The following AGTPBP1 variants were observed in gnomAD, a reference collection of about 807,000 sequenced individuals.
AGTPBP1 encodes the protein ATP/GTP binding carboxypeptidase 1.
AGTPBP1 carries 70 observed loss-of-function variants against 143.9 expected under a neutral mutation model. That is an observed-to-expected ratio of 0.49 (90% CI 0.40 to 0.59). The LOEUF is 0.59. Among genes scored for constraint, AGTPBP1 ranks in the 20% least tolerant of loss-of-function variants. AGTPBP1 has a pLI of 0.00. For synonymous variants in AGTPBP1, 463 were observed against 500.2 expected (o/e 0.93, Z 0.99); for missense variants, 1,229 against 1,464.5 (o/e 0.84, Z 2.62).
At chr9:85,727,441 AG>A (rs1468427528) in intron 1 of AGTPBP1, among the ~76,000 whole-genome samples, 5 of 152,264 alleles carry the variant, frequency 3.3e-5, no homozygotes, top group African/African-American at 9.6e-5. Flanking sequence ...GCTCCAAAAA[AG>A]TATTAACTGT....
chr9:85,647,076 G>A (rs983271028), intron 11 of AGTPBP1, among the ~76,000 whole-genome samples: 1 of 152,142 alleles, frequency 6.6e-6, no homozygotes, highest in South Asian at 2.1e-4. Context: ...TTGGGAGTTC[G>A]AGACTGGCCT....
At chr9:85,753,023 T>C in the AGTPBP1 span, among the ~76,000 whole-genome samples, 133 of 152,150 alleles carry the variant, frequency 8.7e-4, no homozygotes, top group African/African-American at 2.9e-3. Context: ...TCTAAAAAAT[T>C]TTTTTAAACA....
intron 4 of AGTPBP1, among the ~76,000 whole-genome samples, chr9:85,679,765 C>T (rs907107522): frequency 2.0e-5 from 3 of 152,092 alleles, no homozygotes; most frequent in Non-Finnish European, 4.4e-5. Flanking sequence ...AATACTTTTC[C>T]TCAGTTTTCC....
intron 17 of AGTPBP1, among the ~76,000 whole-genome samples, chr9:85,599,747 G>A (rs879606420): frequency 3.9e-5 from 6 of 152,118 alleles, no homozygotes; most frequent in East Asian, 1.9e-4. Flanking sequence ...TCTTATAAAC[G>A]CTGACATGCA....
chr9:85,673,132 T>A (rs1284664614), intron 6 of AGTPBP1, among the ~76,000 whole-genome samples: 1 of 152,198 alleles, frequency 6.6e-6, no homozygotes, highest in Non-Finnish European at 1.5e-5. Flanking sequence ...AAAGTTGGCC[T>A]GAAAAGAATA....
chr9:85,677,719 A>C, intron 5 of AGTPBP1, 137 bp from the exon 6 acceptor site: 1 of 739,898 alleles, frequency 1.4e-6, no homozygotes, highest in Non-Finnish European at 2.0e-6. Flanking sequence ...TCAAACAAAT[A>C]AGGCTGGGCG....
intron 1 of AGTPBP1, among the ~76,000 whole-genome samples, chr9:85,715,221 G>A (rs1039531146): frequency 9.9e-5 from 15 of 151,590 alleles, no homozygotes; most frequent in Admixed American, 6.6e-4. Context: ...ACTCCAGCCC[G>A]GGTGACAGAG....
chr9:85,638,636 AAT>A (rs927169733), intron 13 of AGTPBP1, among the ~76,000 whole-genome samples: 2 of 151,998 alleles, frequency 1.3e-5, no homozygotes, highest in African/African-American at 4.8e-5. Context: ...GTTAAAAGTT[AAT>A]ATAAGTATAT....
chr9:85,632,671 C>T lies in AGTPBP1; in HGVS notation c.2006G>A (p.Gly669Asp), dbSNP rs1159537445. 1.9e-6 allele frequency: 3 copies of T among 1,605,306 alleles called. No homozygotes were observed. Among genetic ancestry groups the T allele is most frequent in the South Asian group, 2.2e-5 (2 of 89,240 alleles). ...FKEPILERPY[G>D]VQRTKIAQDI... ...GAAATATGCAACTCACCTTTGTACA[C>T]CATAAGGCCTTTCTAAAATAGGCTC... The change falls in exon 14 of 26, where the codon GGT becomes GAT. Residue 669 changes from glycine (G) to aspartate (D), a missense_variant. Around this residue, in one of 2 missense-constraint regions of AGTPBP1, gnomAD observed 743 missense variants for 812.2 expected, o/e 0.91. Coordinates refer to ENST00000357081, the MANE Select transcript of AGTPBP1 (RefSeq NM_001330701.2).
At chr9:85,698,214 T>C (rs1481700308) in intron 2 of AGTPBP1, among the ~76,000 whole-genome samples, 2 of 152,166 alleles carry the variant, frequency 1.3e-5, no homozygotes, top group African/African-American at 4.8e-5. Context: ...CCAGTAACCC[T>C]GACTAGTTAA....
At chr9:85,549,539 A>C (rs2118345620) in intron 25 of AGTPBP1, among the ~76,000 whole-genome samples, 1 of 152,346 alleles carries the variant, frequency 6.6e-6, no homozygotes, top group East Asian at 1.9e-4. Flanking sequence ...TGAATATTGC[A>C]GAGTTAATCA....
At chr9:85,667,896 C>A in intron 8 of AGTPBP1, among the ~76,000 whole-genome samples, 1 of 134,970 alleles carries the variant, frequency 7.4e-6, no homozygotes. Flanking sequence ...AACAAGCAAG[C>A]CAACTGTAAA....
At chr9:85,741,675 G>C (rs1049466023) in intron 1 of AGTPBP1, 100 bp downstream of exon 1, 44 of 1,253,854 alleles carry the variant, frequency 3.5e-5, no homozygotes, top group Non-Finnish European at 3.9e-5. Flanking sequence ...ATCCGGGGTC[G>C]CCCCTCCTAC....
At chr9:85,748,662 C>T in the AGTPBP1 span, among the ~76,000 whole-genome samples, 88 of 152,280 alleles carry the variant, frequency 5.8e-4, no homozygotes, top group African/African-American at 2.0e-3. Flanking sequence ...TTGGCTCTTG[C>T]GTCTTTCTTA....
intron 2 of AGTPBP1, among the ~76,000 whole-genome samples, chr9:85,703,581 G>A (rs1404858802): frequency 9.9e-5 from 15 of 152,224 alleles, no homozygotes; most frequent in Admixed American, 6.5e-4. Context: ...GCACTTCTGC[G>A]TGGTTAGAAT....
chr9:85,786,033 T>C, the AGTPBP1 span: 3 of 1,141,656 alleles, frequency 2.6e-6, no homozygotes, highest in Non-Finnish European at 3.8e-6. Flanking sequence ...TATGTTAAGA[T>C]GTTTTGATTA....
At chr9:85,646,698 C>T (rs375609952) in intron 11 of AGTPBP1, among the ~76,000 whole-genome samples, 17 of 152,272 alleles carry the variant, frequency 1.1e-4, no homozygotes, top group Middle Eastern at 3.4e-3. Flanking sequence ...CTGAATGAAA[C>T]ATCCTGTTTT....
chr9:85,682,317 C>T (rs910582348), intron 3 of AGTPBP1, among the ~76,000 whole-genome samples: 1 of 151,372 alleles, frequency 6.6e-6, no homozygotes, highest in Non-Finnish European at 1.5e-5. Flanking sequence ...CTAACATTTA[C>T]TATTCCATAG....
chr9:85,745,310 G>C (rs1285283228), upstream of AGTPBP1, among the ~76,000 whole-genome samples: 1 of 152,226 alleles, frequency 6.6e-6, no homozygotes, highest in Non-Finnish European at 1.5e-5. Flanking sequence ...TGTTAGGAGA[G>C]CATGATTGAT....
Sources: gnomAD v4.1 joint callset for allele counts (sites outside exome capture counted in the v4.1 genomes callset) on GRCh38, gnomAD v4.1.1 for gene constraint, gnomAD v4.1.1 regional missense constraint, MANE v1.5 for transcripts, NCBI Gene and HGNC (gene_info 2026-07-23, HGNC 2026-07-21) for gene names.